RB1CC1: variants seen among roughly 807,000 people sequenced by gnomAD.
RB1CC1 encodes the protein RB1 inducible coiled-coil 1.
Under a neutral mutation model 177.5 loss-of-function variants are expected in RB1CC1, and 46 were observed. The ratio of observed to expected loss-of-function variants is 0.26; its 90% confidence interval spans 0.20 to 0.33. The LOEUF (loss-of-function observed/expected upper bound fraction) is 0.33. Ranked by LOEUF, RB1CC1 falls within the 10% of genes least tolerant of loss-of-function variation. The pLI is 1.00. For synonymous variants in RB1CC1, 666 were observed against 613.6 expected, an observed-to-expected ratio of 1.09 and a Z score of -1.26; for missense variants, 1,703 against 1,816.3, an observed-to-expected ratio of 0.94 and a Z score of 1.13.
chr8:52,652,459 C>CAAAA (rs35615959), intron 15 of RB1CC1, among the ~76,000 whole-genome samples: 1 of 92,686 alleles, frequency 1.1e-5, no homozygotes, highest in Non-Finnish European at 2.3e-5. Flanking sequence ...GACTCTGTCT[C>CAAAA]AAAAAAAAAA....
At chr8:52,658,646 T>C (rs1363733128) in intron 13 of RB1CC1, among the ~76,000 whole-genome samples, 3 of 149,466 alleles carry the variant, frequency 2.0e-5, no homozygotes, top group Non-Finnish European at 4.5e-5. Context: ...AAGTAACTAC[T>C]AGAAAAAAAT....
At chr8:52,697,044 C>A (rs920346127) in intron 1 of RB1CC1, among the ~76,000 whole-genome samples, 1 of 151,984 alleles carries the variant, frequency 6.6e-6, no homozygotes, top group African/African-American at 2.4e-5. Context: ...GTATTTCAGT[C>A]CATTTATATG....
intron 6 of RB1CC1, among the ~76,000 whole-genome samples, chr8:52,674,994 A>C (rs574223839): frequency 6.6e-6 from 1 of 152,302 alleles, no homozygotes; most frequent in South Asian, 2.1e-4. Context: ...TCTTGTACTC[A>C]TAACACCCTG....
At chr8:52,633,549 GAAGA>G (rs1343561103) in intron 20 of RB1CC1, among the ~76,000 whole-genome samples, 3 of 152,106 alleles carry the variant, frequency 2.0e-5, no homozygotes, top group Non-Finnish European at 4.4e-5. Context: ...AAGGTATAAA[GAAGA>G]AAGGAGATGT....
intron 1 of RB1CC1, among the ~76,000 whole-genome samples, chr8:52,690,687 C>T (rs539945740): frequency 1.1e-4 from 16 of 152,156 alleles, no homozygotes; most frequent in Admixed American, 3.3e-4. Context: ...TTTGTTTTCT[C>T]GTTTTCCTTT....
intron 12 of RB1CC1, 70 bp downstream of exon 12, chr8:52,660,526 T>G (rs1851518930): frequency 1.5e-6 from 2 of 1,345,414 alleles, no homozygotes; most frequent in Admixed American, 2.4e-5. Flanking sequence ...TTCTGATAAA[T>G]GTCTCTACTT....
chr8:52,711,594 A>G (rs946222867), intron 1 of RB1CC1, among the ~76,000 whole-genome samples: 8 of 152,220 alleles, frequency 5.3e-5, no homozygotes, highest in Non-Finnish European at 1.0e-4. Flanking sequence ...CTGAAGCTAA[A>G]AGAGTATGCT....
At chr8:52,712,147 T>G (rs951417582) in intron 1 of RB1CC1, among the ~76,000 whole-genome samples, 1 of 152,208 alleles carries the variant, frequency 6.6e-6, no homozygotes, top group Non-Finnish European at 1.5e-5. Flanking sequence ...AAGGGACTGC[T>G]AGATTTTCAA....
intron 1 of RB1CC1, among the ~76,000 whole-genome samples, chr8:52,699,831 ATAT>A (rs1351392567): frequency 1.7e-3 from 50 of 29,950 alleles, no homozygotes; most frequent in African/African-American, 2.3e-3. Context: ...AAAAAAAAAA[ATAT>A]ATATATATAT....
chr8:52,692,864 C>T (rs1591106818), intron 1 of RB1CC1, among the ~76,000 whole-genome samples: 2 of 152,220 alleles, frequency 1.3e-5, no homozygotes, highest in South Asian at 4.1e-4. Flanking sequence ...TTAAATGTGA[C>T]AAGGTAAGGT....
chr8:52,638,479 A>G (rs1203551829), intron 18 of RB1CC1, among the ~76,000 whole-genome samples: 2 of 152,262 alleles, frequency 1.3e-5, no homozygotes, highest in Non-Finnish European at 2.9e-5. Flanking sequence ...GCCTCAGAGG[A>G]TAAGTTGGGA....
At chr8:52,681,928 T>C (rs1010911117) in intron 5 of RB1CC1, among the ~76,000 whole-genome samples, 12 of 152,066 alleles carry the variant, frequency 7.9e-5, no homozygotes, top group Non-Finnish European at 1.3e-4. Flanking sequence ...AGAAGGAAAA[T>C]GTGGGGTCGG....
In RB1CC1 at chr8:52,690,337, G is replaced by T. The variant is rs192168594; in HGVS notation, c.-166-3370C>A. On this transcript the variant is annotated intron_variant, in intron 1 of 23. Coordinates refer to ENST00000025008, the MANE Select transcript of RB1CC1 (RefSeq NM_014781.5). The stretch of plus-strand genomic sequence containing the variant: ...TCATTCATCCAAATCCAAAACACGT[G>T]TATTGATATTATGTGCCAGGACTGG... 7.6e-4 allele frequency among the ~76,000 whole-genome samples: 115 copies of T among 152,280 alleles called. 1 individual carries two copies. The highest frequency in any genetic ancestry group is 2.7e-3 in the African/African-American group (113 of 41,556).
chr8:52,666,616 C>T (rs1437278430), intron 8 of RB1CC1, among the ~76,000 whole-genome samples: 1 of 151,830 alleles, frequency 6.6e-6, no homozygotes, highest in Admixed American at 6.6e-5. Flanking sequence ...TTTTAAACTG[C>T]TATGTGCTTA....
At chr8:52,702,298 AG>A (rs1856152729) in intron 1 of RB1CC1, among the ~76,000 whole-genome samples, 1 of 152,372 alleles carries the variant, frequency 6.6e-6, no homozygotes, top group East Asian at 1.9e-4. Context: ...TCTTATTAAA[AG>A]AAGTATCATA....
chr8:52,707,073 C>G (rs1160222846), intron 1 of RB1CC1, among the ~76,000 whole-genome samples: 1 of 152,210 alleles, frequency 6.6e-6, no homozygotes, highest in Admixed American at 6.5e-5. Context: ...GAACTGACTT[C>G]ACCTAACAAG....
chr8:52,659,095 A>G (rs901773173), intron 12 of RB1CC1, 119 bp from the exon 13 acceptor site: 1 of 483,206 alleles, frequency 2.1e-6, no homozygotes, highest in African/African-American at 2.0e-5. Context: ...AGTGCTTTAA[A>G]TGATTAAGAA....
chr8:52,678,880 T>A (rs1393799527), intron 5 of RB1CC1, among the ~76,000 whole-genome samples: 1 of 152,182 alleles, frequency 6.6e-6, no homozygotes, highest in Non-Finnish European at 1.5e-5. Context: ...TAATTCCATA[T>A]GTGTATAAGA....
intron 1 of RB1CC1, among the ~76,000 whole-genome samples, chr8:52,697,295 TAAAAAAAA>T (rs35428453): frequency 3.4e-5 from 3 of 87,932 alleles, no homozygotes; most frequent in Non-Finnish European, 7.2e-5. Flanking sequence ...AAATGGTTAC[TAAAAAAAA>T]AAAAAAAAAA....
Sources: allele counts gnomAD v4.1 joint callset (sites outside exome capture counted in the v4.1 genomes callset), GRCh38; gene constraint gnomAD v4.1.1; transcripts MANE v1.5; gene names NCBI Gene and HGNC (gene_info 2026-07-23, HGNC 2026-07-21).